AUH: variants seen among roughly 807,000 people sequenced by gnomAD.
AUH encodes the protein methylglutaconyl-CoA hydratase, mitochondrial.
A neutral mutation model predicts 42.3 loss-of-function variants in AUH; 29 were observed. The observed-to-expected ratio is 0.69, with a 90% CI of 0.51 to 0.93. The LOEUF is 0.93. Among genes scored for constraint, AUH ranks in the 40% least tolerant of loss-of-function variants. The probability of loss-of-function intolerance (pLI) is 0.00; values close to 1 mark genes in which losing one functional copy is unlikely to be tolerated. For missense variants in AUH, 452 were observed against 438.1 expected, an observed-to-expected ratio of 1.03 and a Z score of -0.28; for synonymous variants, 174 against 166.4, an observed-to-expected ratio of 1.05 and a Z score of -0.35.
At chr9:91,327,569 ATTC>A (rs1830041133) in intron 3 of AUH, among the ~76,000 whole-genome samples, 1 of 152,122 alleles carries the variant, frequency 6.6e-6, no homozygotes, top group Non-Finnish European at 1.5e-5. Flanking sequence ...ACTCAATAAA[ATTC>A]TTCTCTGCCT....
intron 4 of AUH, among the ~76,000 whole-genome samples, chr9:91,305,400 C>G (rs985160408): frequency 6.6e-6 from 1 of 152,188 alleles, no homozygotes; most frequent in Non-Finnish European, 1.5e-5. Context: ...CACTTCACGT[C>G]TCAACAAATT....
chr9:91,327,743 G>A (rs1022945743), intron 3 of AUH, among the ~76,000 whole-genome samples: 9 of 152,184 alleles, frequency 5.9e-5, no homozygotes, highest in East Asian at 1.9e-4. Context: ...ACATGCTCCC[G>A]CTAGCCAAGC....
At chr9:91,256,532 T>C (rs1341924622) in intron 6 of AUH, among the ~76,000 whole-genome samples, 2 of 152,042 alleles carry the variant, frequency 1.3e-5, no homozygotes, top group Admixed American at 1.3e-4. Context: ...GGAAAGTCAC[T>C]GTAGTCTTAA....
chr9:91,318,070 T>C (rs866556726), intron 4 of AUH, among the ~76,000 whole-genome samples: 10 of 152,224 alleles, frequency 6.6e-5, no homozygotes, highest in African/African-American at 2.4e-4. Flanking sequence ...GATTTAGGTA[T>C]AAAGATTACA....
chr9:91,356,277 T>C (rs1275185144), intron 1 of AUH, 122 bp from the exon 2 acceptor site: 1 of 790,846 alleles, frequency 1.3e-6, no homozygotes, highest in African/African-American at 1.7e-5. Context: ...TGACATCACG[T>C]TCCCTTCAAT....
intron 3 of AUH, among the ~76,000 whole-genome samples, chr9:91,353,820 CAAAA>C (rs56842895): frequency 0.055 from 1,497 of 27,370 alleles, 33 homozygotes; most frequent in East Asian, 0.3. Flanking sequence ...GACTCCGTCT[CAAAA>C]AAAAAAAAAA....
intron 3 of AUH, among the ~76,000 whole-genome samples, chr9:91,348,495 T>C (rs1021863502): frequency 6.6e-6 from 1 of 152,124 alleles, no homozygotes; most frequent in Non-Finnish European, 1.5e-5. Flanking sequence ...AAAACCCAAA[T>C]GACCATCACC....
intron 3 of AUH, among the ~76,000 whole-genome samples, chr9:91,327,653 T>C (rs1164436591): frequency 1.3e-5 from 2 of 152,210 alleles, no homozygotes; most frequent in African/African-American, 4.8e-5. Flanking sequence ...CTCGCTGAGC[T>C]GCAGGCGACA....
At chr9:91,291,298 T>C (rs1826860913) in intron 6 of AUH, among the ~76,000 whole-genome samples, 1 of 150,796 alleles carries the variant, frequency 6.6e-6, no homozygotes, top group Admixed American at 6.6e-5. Context: ...TGACATCTCT[T>C]GGTGTCTGTT....
chr9:91,271,837 C>A (rs191466707), intron 6 of AUH, among the ~76,000 whole-genome samples: 1 of 152,146 alleles, frequency 6.6e-6, no homozygotes, highest in East Asian at 1.9e-4. Flanking sequence ...CCCGCCACCA[C>A]GCCCGGCTAA....
At chr9:91,234,284 G>C (rs1015281559) in intron 6 of AUH, among the ~76,000 whole-genome samples, 1 of 152,174 alleles carries the variant, frequency 6.6e-6, no homozygotes, top group Non-Finnish European at 1.5e-5. Context: ...GCTGGATGCT[G>C]CTTCCAGGAC....
intron 3 of AUH, among the ~76,000 whole-genome samples, chr9:91,354,522 C>G (rs114074885): frequency 2.5e-3 from 383 of 152,206 alleles, no homozygotes; most frequent in African/African-American, 8.9e-3. Flanking sequence ...AGCATTAAAG[C>G]TTTTTTCAAA....
intron 3 of AUH, among the ~76,000 whole-genome samples, chr9:91,354,465 T>C (rs1387913855): frequency 3.9e-5 from 6 of 152,226 alleles, no homozygotes; most frequent in African/African-American, 7.2e-5. Context: ...ACATTTTGCA[T>C]GTCCTCAAAA....
rs570255554 is a variant in AUH, at chr9:91,338,101, G to A, written c.419-12697C>T. On this transcript the variant is annotated intron_variant, in intron 3 of 9. Transcript: ENST00000375731. ...GTAAAATTTTACCTGCCCATTTGAT[G>A]AAAAGGACTATTCTGCCACAGGATT... 5.3e-5 allele frequency among the ~76,000 whole-genome samples: 8 copies of A among 152,260 alleles called. No homozygotes were observed. The South Asian group carries it at 1.7e-3, about 32-fold the overall frequency.
intron 6 of AUH, among the ~76,000 whole-genome samples, chr9:91,285,641 A>G (rs576898576): frequency 3.7e-4 from 57 of 152,226 alleles, no homozygotes; most frequent in Middle Eastern, 6.8e-3. Context: ...CCAAGGGAGC[A>G]TTACTAAGTC....
At chr9:91,323,732 A>C (rs1829765416) in intron 4 of AUH, among the ~76,000 whole-genome samples, 1 of 152,182 alleles carries the variant, frequency 6.6e-6, no homozygotes, top group Admixed American at 6.5e-5. Context: ...ATAGCTAGGA[A>C]TATATTTGAG....
chr9:91,215,193 T>C (rs1297261623), intron 9 of AUH, among the ~76,000 whole-genome samples: 1 of 152,180 alleles, frequency 6.6e-6, no homozygotes, highest in African/African-American at 2.4e-5. Context: ...CAAAGTTCTA[T>C]CTTTCAGAGA....
At chr9:91,250,811 G>C (rs1025662816) in intron 6 of AUH, among the ~76,000 whole-genome samples, 33 of 152,186 alleles carry the variant, frequency 2.2e-4, no homozygotes, top group African/African-American at 8.0e-4. Flanking sequence ...CTCAAGACAA[G>C]CCTCTGTCAG....
At chr9:91,323,327 A>G (rs937094739) in intron 4 of AUH, among the ~76,000 whole-genome samples, 1 of 152,172 alleles carries the variant, frequency 6.6e-6, no homozygotes, top group Non-Finnish European at 1.5e-5. Flanking sequence ...TAAGCACATA[A>G]AAGTTATTAA....
Sources: gnomAD v4.1 joint callset for allele counts (sites outside exome capture counted in the v4.1 genomes callset) on GRCh38, gnomAD v4.1.1 for gene constraint, MANE v1.5 for transcripts, NCBI Gene and HGNC (gene_info 2026-07-23, HGNC 2026-07-21) for gene names.